Variants in C17orf78 observed in about 807,000 individuals in gnomAD.
C17orf78 encodes chromosome 17 open reading frame 78.
In C17orf78, 27 loss-of-function variants were observed where a neutral mutation model predicts 31.8. The ratio of observed to expected loss-of-function variants is 0.85; its 90% confidence interval spans 0.63 to 1.17. The LOEUF is 1.17. Ranked by LOEUF, C17orf78 falls within the 50% of genes most tolerant of loss-of-function variation. The probability of loss-of-function intolerance (pLI) is 0.00; values close to 1 mark genes in which losing one functional copy is unlikely to be tolerated. For synonymous variants in C17orf78, 106 were observed against 115.1 expected, an observed-to-expected ratio of 0.92 and a Z score of 0.51; for missense variants, 258 against 315.2, an observed-to-expected ratio of 0.82 and a Z score of 1.37.
intron 6 of C17orf78, among the ~76,000 whole-genome samples, chr17:37,390,330 A>ATATATCTATATCTATATCTATATATC (rs1386032855): frequency 2.4e-5 from 1 of 41,592 alleles, no homozygotes; most frequent in African/African-American, 1.3e-4. Flanking sequence ...ATATATATAT[A>ATATATCTATATCTATATCTATATATC]TATAAAAGGC....
chr17:37,376,236 G>A, intron 1 of C17orf78, 86 bp downstream of exon 1: 1 of 1,125,436 alleles, frequency 8.9e-7, no homozygotes, highest in Non-Finnish European at 1.3e-6. Context: ...AGATAGAGAT[G>A]TAGCTGATAT....
chr17:37,378,164 G>C (rs1052754673), intron 2 of C17orf78, among the ~76,000 whole-genome samples, 199 bp downstream of exon 2: 2 of 152,122 alleles, frequency 1.3e-5, no homozygotes, highest in African/African-American at 4.8e-5. Flanking sequence ...TTACTCAAAT[G>C]GATGGAGATG....
At chr17:37,388,621 C>T in intron 4 of C17orf78, 49 bp from the exon 5 acceptor site, 4 of 1,577,180 alleles carry the variant, frequency 2.5e-6, no homozygotes, top group Admixed American at 1.7e-5. Context: ...AATCTCTTTC[C>T]TCTCTCAAAT....
intron 3 of C17orf78, among the ~76,000 whole-genome samples, chr17:37,381,917 GCA>G (rs1315392095): frequency 3.3e-5 from 5 of 152,098 alleles, no homozygotes; most frequent in African/African-American, 7.2e-5. Flanking sequence ...GTGAGCCACT[GCA>G]CCCGGCCATG....
rs140490381 is a variant in C17orf78, at chr17:37,379,302, G to A, written c.311G>A (p.Arg104His). ...LKNLRIIAAP[R>H]RNSSASSSCH... Reference sequence around the variant, plus strand: ...AACCTGAGAATCATTGCTGCTCCCCGCAGAAACAGCTCTGCCTCCTCAAGC... The same window carrying A: ...AACCTGAGAATCATTGCTGCTCCCCACAGAAACAGCTCTGCCTCCTCAAGC... Residue 104 changes from arginine to histidine, a missense_variant, in exon 3 of 7, where the codon CGC becomes CAC. Transcript: ENST00000615133. 1,883 of 1,613,890 alleles carry A rather than the reference G, an allele frequency of 1.2e-3. 3 individuals are homozygous for A. Among genetic ancestry groups the A allele is most frequent in the Admixed American group, 1.9e-3 (116 of 60,002 alleles).
At chr17:37,388,619 T>C (rs2050653639) in intron 4 of C17orf78, 51 bp from the exon 5 acceptor site, 2 of 1,573,130 alleles carry the variant, frequency 1.3e-6, no homozygotes, top group South Asian at 2.3e-5. Flanking sequence ...TCAATCTCTT[T>C]CCTCTCTCAA....
At chr17:37,384,040 C>G (rs2050420717) in intron 3 of C17orf78, among the ~76,000 whole-genome samples, 1 of 152,108 alleles carries the variant, frequency 6.6e-6, no homozygotes, top group South Asian at 2.1e-4. Context: ...CCGAGGCGGG[C>G]AGAACATGAG....
intron 3 of C17orf78, among the ~76,000 whole-genome samples, chr17:37,381,766 T>C (rs183426986): frequency 1.3e-4 from 19 of 151,730 alleles, no homozygotes; most frequent in South Asian, 2.1e-4. Context: ...TAGCTGGGAC[T>C]ACAGGCACTC....
At position 37,388,659 on chromosome 17, in the gene C17orf78, C is replaced by G; in HGVS notation, c.509-11C>G. On this transcript the variant is annotated splice_polypyrimidine_tract_variant and intron_variant, in intron 4 of 6. Transcript: ENST00000615133. ...TCTTTTCTCCCTCTTCCACTCCCCT[C>G]TCTCCTTTAGACACAGATGAGAACC... is the stretch of plus-strand genomic sequence containing the variant. The G allele has an allele frequency of 1.9e-6, 3 of 1,611,048 alleles. No individual in the cohort carries two copies. The highest frequency in any genetic ancestry group is 2.5e-6 in the Non-Finnish European group (3 of 1,178,054).
chr17:37,385,665 C>A (rs1597771471), intron 3 of C17orf78, among the ~76,000 whole-genome samples: 1 of 152,196 alleles, frequency 6.6e-6, no homozygotes, highest in East Asian at 1.9e-4. Context: ...TTGGAGCCAT[C>A]TCTTTTTAAA....
intron 6 of C17orf78, among the ~76,000 whole-genome samples, chr17:37,390,350 C>G (rs150160066): frequency 1.6e-5 from 1 of 61,900 alleles, no homozygotes; most frequent in Non-Finnish European, 2.9e-5. Flanking sequence ...CCAGCTGGGC[C>G]GGGCACGGTG....
chr17:37,381,713 C>T lies in C17orf78; in HGVS notation c.391+2331C>T, dbSNP rs370637966. Among the ~76,000 whole-genome samples, 137 of 150,576 alleles carry T rather than the reference C, an allele frequency of 9.1e-4. 2 individuals carry two copies. In the South Asian group the frequency reaches 0.022, roughly 24 times the overall value. On this transcript the variant is annotated intron_variant, in intron 3 of 6. Coordinates refer to ENST00000615133, the MANE Select transcript of C17orf78 (RefSeq NM_173625.5). Reference sequence around the variant, plus strand: ...TGCGATCTCAGCTCACTGCAAGCTCCGCCTCTCGGGTTCACGCCATTCTCC... The same window carrying T: ...TGCGATCTCAGCTCACTGCAAGCTCTGCCTCTCGGGTTCACGCCATTCTCC...
At chr17:37,380,270 T>A (rs1318111047) in intron 3 of C17orf78, among the ~76,000 whole-genome samples, 3 of 107,366 alleles carry the variant, frequency 2.8e-5, no homozygotes, top group African/African-American at 7.9e-5. Flanking sequence ...CTCTGGGGAC[T>A]GTTGTGGGGT....
At chr17:37,381,639 T>G (rs964544600) in intron 3 of C17orf78, among the ~76,000 whole-genome samples, 2 of 149,246 alleles carry the variant, frequency 1.3e-5, no homozygotes, top group Non-Finnish European at 3.0e-5. Context: ...TTTTTTTTTT[T>G]TTTTTTGAGA....
chr17:37,377,553 G>A (rs975813366), intron 1 of C17orf78, among the ~76,000 whole-genome samples: 1 of 151,896 alleles, frequency 6.6e-6, no homozygotes, highest in Non-Finnish European at 1.5e-5. Context: ...CCAGCTACTC[G>A]GGAGGCTGAG....
chr17:37,382,502 TTAAACTC>T (rs1334970817), intron 3 of C17orf78, among the ~76,000 whole-genome samples: 3 of 152,066 alleles, frequency 2.0e-5, no homozygotes, highest in African/African-American at 7.2e-5. Context: ...GGAAAAAACT[TTAAACTC>T]TAGACTAAAA....
At chr17:37,377,465 G>A (rs879787016) in intron 1 of C17orf78, among the ~76,000 whole-genome samples, 1 of 151,964 alleles carries the variant, frequency 6.6e-6, no homozygotes, top group Non-Finnish European at 1.5e-5. Flanking sequence ...TTTGAGACCA[G>A]CATAGCCAAA....
intron 4 of C17orf78, 85 bp from the exon 5 acceptor site, chr17:37,388,585 C>A: frequency 6.8e-7 from 1 of 1,461,970 alleles, no homozygotes. Flanking sequence ...GTCTTGTGAG[C>A]CAGAAGAACT....
chr17:37,380,306 G>T (rs189913444), intron 3 of C17orf78, among the ~76,000 whole-genome samples: 1 of 149,922 alleles, frequency 6.7e-6, no homozygotes, highest in East Asian at 2.0e-4. Flanking sequence ...GGATAGCATC[G>T]GGAGATATAC....
Sources: gnomAD v4.1 joint callset for allele counts (sites outside exome capture counted in the v4.1 genomes callset) on GRCh38, gnomAD v4.1.1 for gene constraint, MANE v1.5 for transcripts, NCBI Gene and HGNC (gene_info 2026-07-23, HGNC 2026-07-21) for gene names.